Variants in WWC2 observed in about 807,000 individuals in gnomAD.
The protein encoded by WWC2 is WW and C2 domain containing 2.
A neutral mutation model predicts 138.5 loss-of-function variants in WWC2; 101 were observed. The ratio of observed to expected loss-of-function variants is 0.73; its 90% confidence interval spans 0.62 to 0.86. The LOEUF (loss-of-function observed/expected upper bound fraction) is 0.86, where lower values mean the gene tolerates loss of function less well. WWC2 is among the 40% of genes least tolerant of loss of function. The pLI, the probability that WWC2 is intolerant of heterozygous loss-of-function variation, is 0.00. For synonymous variants in WWC2, 558 were observed against 538.4 expected, an observed-to-expected ratio of 1.04 and a Z score of -0.50; for missense variants, 1,420 against 1,419.4, an observed-to-expected ratio of 1.00 and a Z score of -0.01.
In WWC2 at chr4:183,234,098, ATCT is replaced by A. The variant is rs1414412088; in HGVS notation, c.523-6080_523-6078del. Among the ~76,000 whole-genome samples the A allele has an allele frequency of 4.6e-5, 7 of 152,276 alleles. No individual in the cohort carries two copies. In the South Asian group the frequency reaches 6.2e-4, roughly 14 times the overall value. ...CAGAGTTTACTTTTCCTTCATTGTC[ATCT>A]TCTTTCCCCTTCTTTTAAAATAAAA... is the stretch of plus-strand genomic sequence containing the variant. On this transcript the variant is annotated intron_variant, in intron 4 of 22. Coordinates refer to ENST00000403733, the MANE Select transcript of WWC2 (RefSeq NM_024949.6).
chr4:183,222,908 A>G (rs543850618), intron 4 of WWC2, among the ~76,000 whole-genome samples: 8 of 152,254 alleles, frequency 5.3e-5, no homozygotes, highest in African/African-American at 1.4e-4. Context: ...AGAGGTTGCA[A>G]TGAGCTGAGA....
At chr4:183,107,345 A>C (rs542612262) in intron 1 of WWC2, among the ~76,000 whole-genome samples, 1 of 152,064 alleles carries the variant, frequency 6.6e-6, no homozygotes, top group African/African-American at 2.4e-5. Context: ...TATTTTTAGT[A>C]GAGACGGGGT....
At chr4:183,138,543 A>G (rs2111089316) in intron 1 of WWC2, among the ~76,000 whole-genome samples, 1 of 152,320 alleles carries the variant, frequency 6.6e-6, no homozygotes. Flanking sequence ...CTTCAGTGGC[A>G]GAGTGGAGTG....
intron 4 of WWC2, among the ~76,000 whole-genome samples, chr4:183,228,559 A>G (rs1460141370): frequency 6.6e-6 from 1 of 152,150 alleles, no homozygotes; most frequent in East Asian, 1.9e-4. Flanking sequence ...AATATATTTC[A>G]AAGTATTGGT....
In WWC2 at chr4:183,099,366, C is replaced by G; in HGVS notation, c.-126C>G. On this transcript the variant is annotated 5_prime_UTR_variant, in exon 1 of 23. Transcript: ENST00000403733. The stretch of plus-strand genomic sequence containing the variant: ...GCGTGGTTCCGCCGCGCCCCGCGCC[C>G]TGCGCCCCTCAGCCCCTCGCCGGCG... The G allele has an allele frequency of 6.8e-6, 7 of 1,027,380 alleles. No homozygotes were observed. Among genetic ancestry groups the G allele is most frequent in the Non-Finnish European group, 7.3e-6 (6 of 825,300 alleles). The allele number at this position is 1,027,380 out of a possible 1,614,324, so 63.6% of individuals were successfully genotyped here.
chr4:183,212,644 C>T (rs1437367163), intron 4 of WWC2, among the ~76,000 whole-genome samples: 1 of 152,140 alleles, frequency 6.6e-6, no homozygotes, highest in African/African-American at 2.4e-5. Flanking sequence ...CCACAATAAG[C>T]TGTTAATCTG....
At chr4:183,314,008 G>A (rs974715343) in intron 22 of WWC2, among the ~76,000 whole-genome samples, 1 of 152,062 alleles carries the variant, frequency 6.6e-6, no homozygotes, top group Admixed American at 6.5e-5. Flanking sequence ...AGAAGCGAGT[G>A]TTTTTGAAGT....
At chr4:183,224,307 G>A (rs954758434) in intron 4 of WWC2, among the ~76,000 whole-genome samples, 5 of 151,972 alleles carry the variant, frequency 3.3e-5, no homozygotes, top group South Asian at 2.1e-4. Flanking sequence ...GTAATTTATC[G>A]TCTAGATTTG....
chr4:183,281,031 GAA>G (rs1460897881), intron 17 of WWC2, 134 bp downstream of exon 17: 25 of 1,316,726 alleles, frequency 1.9e-5, no homozygotes, highest in Non-Finnish European at 2.3e-5. Flanking sequence ...GCTGTGCTAG[GAA>G]AAGTCTTTCC....
chr4:183,172,957 CAT>C lies in WWC2; in HGVS notation c.132-20639_132-20638del, dbSNP rs1734337521. ...TTTGTCAATAGATGGTTTCTGCCAT[CAT>C]ATTGTTCATTTCCAGGAATTTTTAA... On this transcript the variant is annotated intron_variant, in intron 1 of 22. Transcript: ENST00000403733. 2.0e-5 allele frequency among the ~76,000 whole-genome samples: 3 copies of C among 152,150 alleles called. No individual in the cohort carries two copies. The South Asian group carries it at 6.2e-4, about 32-fold the overall frequency.
chr4:183,273,989 G>A (rs188052693), intron 16 of WWC2, among the ~76,000 whole-genome samples: 1 of 152,112 alleles, frequency 6.6e-6, no homozygotes, highest in African/African-American at 2.4e-5. Flanking sequence ...TGCAAAAACT[G>A]TTCTTTCACC....
At chr4:183,102,177 C>T (rs1189911230) in intron 1 of WWC2, among the ~76,000 whole-genome samples, 3 of 152,144 alleles carry the variant, frequency 2.0e-5, no homozygotes, top group Non-Finnish European at 2.9e-5. Context: ...ACTAAGTTTA[C>T]GTGAGTTTCT....
intron 1 of WWC2, among the ~76,000 whole-genome samples, chr4:183,105,351 C>T (rs978748076): frequency 6.6e-6 from 1 of 152,174 alleles, no homozygotes; most frequent in African/African-American, 2.4e-5. Context: ...CCCACACTGC[C>T]GGGCCCTGCA....
intron 1 of WWC2, among the ~76,000 whole-genome samples, chr4:183,147,201 A>G (rs902731234): frequency 1.5e-4 from 23 of 152,206 alleles, no homozygotes; most frequent in Admixed American, 5.2e-4. Context: ...GGAACTTTTG[A>G]GTTCTTGTTC....
In WWC2 at chr4:183,154,026, A is replaced by AAAAAAAAAAAAAACAAAAAAAC. The variant is rs1561438959; in HGVS notation, c.132-39571_132-39570insAAAAAAAAAAACAAAAAAACAA. Among the ~76,000 whole-genome samples the AAAAAAAAAAAAAACAAAAAAAC allele has an allele frequency of 5.3e-4, 77 of 145,640 alleles. 3 individuals carry two copies. The highest frequency in any genetic ancestry group is 2.1e-3 in the African/African-American group (75 of 36,392). Reference sequence around the variant, plus strand: ...GCAAAAAAAAAAAAAAAAAAAAAAAAAACCCCAAATCTAATTCATCATTTA... The same window carrying AAAAAAAAAAAAAACAAAAAAAC: ...GCAAAAAAAAAAAAAAAAAAAAAAAAAAAAAAAAAAAAACAAAAAAACAACCCCAAATCTAATTCATCATTTA... On this transcript the variant is annotated intron_variant, in intron 1 of 22. Transcript: ENST00000403733.
chr4:183,120,863 A>G (rs1194049811), intron 1 of WWC2, among the ~76,000 whole-genome samples: 1 of 152,150 alleles, frequency 6.6e-6, no homozygotes, highest in Non-Finnish European at 1.5e-5. Context: ...GTTCTCCTGC[A>G]TTGGCCTCCC....
intron 14 of WWC2, among the ~76,000 whole-genome samples, chr4:183,267,260 TG>T (rs1280087354): frequency 6.6e-6 from 1 of 152,130 alleles, no homozygotes; most frequent in African/African-American, 2.4e-5. Context: ...AAGTGTGGAC[TG>T]TCCACATCAT....
intron 2 of WWC2, among the ~76,000 whole-genome samples, chr4:183,204,496 A>T (rs773281400): frequency 7.9e-5 from 12 of 152,190 alleles, no homozygotes; most frequent in Non-Finnish European, 1.6e-4. Context: ...TCTTTTCAAC[A>T]GCTGGTAGTG....
chr4:183,102,342 A>AG (rs1743206784), intron 1 of WWC2, among the ~76,000 whole-genome samples: 1 of 152,206 alleles, frequency 6.6e-6, no homozygotes, highest in South Asian at 2.1e-4. Flanking sequence ...TGGAAATAGT[A>AG]GAAATACTAG....
Sources: gnomAD v4.1 joint callset for allele counts (sites outside exome capture counted in the v4.1 genomes callset) on GRCh38, gnomAD v4.1.1 for gene constraint, MANE v1.5 for transcripts, NCBI Gene and HGNC (gene_info 2026-07-23, HGNC 2026-07-21) for gene names.